Variants in THEM5 observed in about 807,000 individuals in gnomAD.
THEM5 encodes the protein acyl-coenzyme A thioesterase THEM5.
Under a neutral mutation model 24.2 loss-of-function variants are expected in THEM5, and 28 were observed. The observed-to-expected ratio is 1.16, with a 90% CI of 0.86 to 1.59. The LOEUF (loss-of-function observed/expected upper bound fraction) is 1.59. Among genes scored for constraint, THEM5 ranks in the 40% most tolerant of loss-of-function variants. The probability of loss-of-function intolerance (pLI) is 0.00; values close to 1 mark genes in which losing one functional copy is unlikely to be tolerated. For missense variants in THEM5, 260 were observed against 296.8 expected, an observed-to-expected ratio of 0.88 and a Z score of 0.91; for synonymous variants, 87 against 114.5, an observed-to-expected ratio of 0.76 and a Z score of 1.53.
At position 151,847,307 on chromosome 1, in the gene THEM5, AG is replaced by A. The variant is rs1652963877; in HGVS notation, c.*63del. On this transcript the variant is annotated 3_prime_UTR_variant, in exon 6 of 6. Transcript: ENST00000368817. ...GGGAGGCAGGAGGCAGGAGGCAGGC[AG>A]GGGAGGCAGGAGGCAGGAGGCAGGC... is the stretch of plus-strand genomic sequence containing the variant. 8.6e-7 allele frequency: 1 copy of A among 1,165,128 alleles called. No homozygotes were observed. The highest frequency in any genetic ancestry group is 2.3e-5 in the African/African-American group (1 of 43,654). 72.2% of individuals were successfully genotyped at this position (1,165,128 alleles called of 1,614,324 possible).
chr1:151,850,963 A>G (rs914855261), intron 3 of THEM5, 90 bp downstream of exon 3: 2 of 1,514,062 alleles, frequency 1.3e-6, no homozygotes, highest in African/African-American at 2.8e-5. Context: ...TTAGAGAAAG[A>G]TAGAGACTCC....
At chr1:151,850,137 A>G (rs1393027738) in intron 3 of THEM5, 3 of 152,434 alleles carry the variant, frequency 2.0e-5, no homozygotes, top group East Asian at 1.9e-4. Flanking sequence ...CCTGACATCT[A>G]TTTAGCACTC....
intron 4 of THEM5, 113 bp downstream of exon 4, chr1:151,848,069 C>T: frequency 7.0e-7 from 1 of 1,419,698 alleles, no homozygotes. Flanking sequence ...TGGGAGTGGG[C>T]TGGGGAAGGA....
At chr1:151,848,852 C>T (rs1288098872) in intron 3 of THEM5, among the ~76,000 whole-genome samples, 2 of 152,222 alleles carry the variant, frequency 1.3e-5, no homozygotes, top group Non-Finnish European at 2.9e-5. Context: ...GAAAGCAGAG[C>T]GCCTGCTTCA....
At chr1:151,848,060 G>A in intron 4 of THEM5, 122 bp downstream of exon 4, 1 of 1,417,316 alleles carries the variant, frequency 7.1e-7, no homozygotes, top group Admixed American at 1.8e-5. Flanking sequence ...GGAATTGCTT[G>A]GGAGTGGGCT....
intron 3 of THEM5, among the ~76,000 whole-genome samples, chr1:151,848,958 C>T (rs1653029947): frequency 6.6e-6 from 1 of 152,332 alleles, no homozygotes; most frequent in South Asian, 2.1e-4. Context: ...GTGGCTCACG[C>T]CTGTAATCCC....
Position 151,852,305 on chromosome 1 carries a change from T to C in THEM5, c.278A>G (p.Asp93Gly), listed in dbSNP as rs35299454. The C allele has an allele frequency of 6.8e-4, 1,094 of 1,614,016 alleles. 8 individuals carry two copies. In the African/African-American group the frequency reaches 0.014, roughly 20 times the overall value. Residue 93 changes from aspartate to glycine, a missense_variant, in exon 2 of 6, where the codon GAC becomes GGC. By Grantham distance (94) the Asp-to-Gly change is moderately conservative. Transcript: ENST00000368817. ...TGGGAGCTTGAGTCCCCGGATGTGG[T>C]CTCTGTTGGACTTGAAGGAGGGCAG... Reference protein sequence around the residue: ...IKLPSFKSNRDHIRGLKLPSG... With the variant: ...IKLPSFKSNRGHIRGLKLPSG...
rs1275114738 is a variant in THEM5, at chr1:151,852,237, T to C, written c.325+21A>G. The C allele has an allele frequency of 3.7e-6, 6 of 1,610,944 alleles. No homozygotes were observed. The South Asian group carries it at 5.5e-5, about 15-fold the overall frequency. ...CAGGGAAGGGCGGCTGGGGTGTGTG[T>C]ACTCATGGTCCTGTCCTTACCTGAG... On this transcript the variant is annotated intron_variant, in intron 2 of 5. Transcript: ENST00000368817.
chr1:151,848,144 CTG>C, intron 4 of THEM5, 36 bp downstream of exon 4: 1 of 1,601,252 alleles, frequency 6.2e-7, no homozygotes, highest in South Asian at 1.1e-5. Context: ...ATGAAAAGGT[CTG>C]TGACTTTGGC....
At position 151,847,780 on chromosome 1, in the gene THEM5, C is replaced by A; in HGVS notation, c.658G>T (p.Ala220Ser). 1 of 1,613,906 alleles carries A rather than the reference C, an allele frequency of 6.2e-7. No homozygotes were observed. Among genetic ancestry groups the A allele is most frequent in the East Asian group, 2.2e-5 (1 of 44,862 alleles). ...ACTGTCTGCTGGTCTCTGCTGTGGG[C>A]GATGCAGGACATGTAAAGCTTCTGG... is the stretch of plus-strand genomic sequence containing the variant. Reference protein sequence around the residue: ...EDQKLYMSCIAHSRDQQTVYA... With the variant: ...EDQKLYMSCISHSRDQQTVYA... The change falls in exon 5 of 6, where the codon GCC becomes TCC. Residue 220 changes from alanine (A) to serine (S), a missense_variant. Coordinates refer to ENST00000368817, the MANE Select transcript of THEM5 (RefSeq NM_182578.4).
intron 1 of THEM5, 125 bp downstream of exon 1, chr1:151,853,318 C>T: frequency 7.7e-7 from 1 of 1,294,152 alleles, no homozygotes; most frequent in Non-Finnish European, 1.0e-6. Context: ...TTTGCCAAAT[C>T]AAATAGCTCC....
intron 5 of THEM5, 139 bp downstream of exon 5, chr1:151,847,599 T>C: frequency 7.3e-7 from 1 of 1,362,828 alleles, no homozygotes; most frequent in Non-Finnish European, 1.0e-6. Flanking sequence ...TCTGTGTCCC[T>C]AGTAGGTGCC....
At chr1:151,849,085 T>C (rs548547325) in intron 3 of THEM5, among the ~76,000 whole-genome samples, 1 of 152,174 alleles carries the variant, frequency 6.6e-6, no homozygotes, top group Admixed American at 6.5e-5. Flanking sequence ...ACGGGTGTGG[T>C]GGCAAGCGCC....
intron 2 of THEM5, among the ~76,000 whole-genome samples, chr1:151,851,857 C>T (rs889634386): frequency 2.6e-5 from 4 of 152,236 alleles, no homozygotes; most frequent in South Asian, 2.1e-4. Flanking sequence ...CTCCAGACCC[C>T]GCACAGCAGG....
Position 151,853,444 on chromosome 1 carries a change from A to T in THEM5, c.122T>A (p.Met41Lys), listed in dbSNP as rs61754919. ...ASAFGSSTDSMFSRFLPEKTD... is the reference protein window; with the variant it reads ...ASAFGSSTDSKFSRFLPEKTD... ...CATCTGGCTGAGCTGGGAACTCACC[A>T]TGGAGTCTGTGGAGGATCCAAATGC... Residue 41 changes from methionine (M) to lysine (K), a missense_variant and splice_region_variant, in exon 1 of 6, where the codon ATG becomes AAG. Coordinates refer to ENST00000368817, the MANE Select transcript of THEM5 (RefSeq NM_182578.4). 1 of 1,613,286 alleles carries T rather than the reference A, an allele frequency of 6.2e-7. No individual in the cohort carries two copies.
rs1260919864 is a variant in THEM5 at position 151,853,662 on chromosome 1, T to G, written c.-97A>C. The stretch of plus-strand genomic sequence containing the variant: ...CACTTGGGGCCGCTTCTCTCCCTTC[T>G]GTTGCAGGCTTTCTTTCAGAGAGCT... On this transcript the variant is annotated 5_prime_UTR_variant, in exon 1 of 6. Transcript: ENST00000368817. 4 of 1,441,202 alleles carry G rather than the reference T, an allele frequency of 2.8e-6. No individual in the cohort carries two copies. The highest frequency in any genetic ancestry group is 1.4e-5 in the African/African-American group (1 of 69,644). The allele number at this position is 1,441,202 out of a possible 1,614,324, so 89.3% of individuals were successfully genotyped here.
chr1:151,847,802 C>A lies in THEM5; in HGVS notation c.636G>T (p.Gln212His). Residue 212 changes from glutamine to histidine, a missense_variant, in exon 5 of 6, where the codon CAG (glutamine) becomes CAT (histidine). Coordinates refer to ENST00000368817, the MANE Select transcript of THEM5 (RefSeq NM_182578.4). ...MDVELDKIED[Q>H]KLYMSCIAHS... ...GGGCGATGCAGGACATGTAAAGCTT[C>A]TGGTCCTCAATCTTGTCCAGTTCTA... is the stretch of plus-strand genomic sequence containing the variant. The A allele has an allele frequency of 1.2e-6, 2 of 1,614,096 alleles. No individual in the cohort carries two copies.
rs984804756 is a variant in THEM5, at chr1:151,847,719, G to C, written c.700+19C>G. 1 of 1,612,562 alleles carries C rather than the reference G, an allele frequency of 6.2e-7. No homozygotes were observed. Among genetic ancestry groups the C allele is most frequent in the Non-Finnish European group, 8.5e-7 (1 of 1,179,890 alleles). ...TGGTGGTGGGACGGGGCCTGGGGCT[G>C]GGCTGGGGGCTCCTTTACCTGAGGA... is the stretch of plus-strand genomic sequence containing the variant. On this transcript the variant is annotated intron_variant, in intron 5 of 5. Coordinates refer to ENST00000368817, the MANE Select transcript of THEM5 (RefSeq NM_182578.4).
In THEM5 at chr1:151,851,053, C is replaced by T; in HGVS notation, c.464G>A (p.Gly155Glu). The change falls in exon 3 of 6, where the codon GGG becomes GAG. Residue 155 changes from glycine (G) to glutamate (E), a missense_variant and splice_region_variant. Coordinates refer to ENST00000368817, the MANE Select transcript of THEM5 (RefSeq NM_182578.4). The stretch of plus-strand genomic sequence containing the variant: ...GCCAAGGTCCTACCAGTGACCTTAC[C>T]CTGGGGGCCCCTCCAGGTAGGAGCC... Reference protein sequence around the residue: ...QPGSYLEGPPGFAHGGSLAAM... With the variant: ...QPGSYLEGPPEFAHGGSLAAM... 3 of 1,614,098 alleles carry T rather than the reference C, an allele frequency of 1.9e-6. No individual in the cohort carries two copies. The highest frequency in any genetic ancestry group is 2.5e-6 in the Non-Finnish European group (3 of 1,179,996).
Sources: allele counts gnomAD v4.1 joint callset (sites outside exome capture counted in the v4.1 genomes callset), GRCh38; gene constraint gnomAD v4.1.1; transcripts MANE v1.5; gene names NCBI Gene and HGNC (gene_info 2026-07-23, HGNC 2026-07-21).